BACE2: variants seen among roughly 807,000 people sequenced by gnomAD.
BACE2 encodes the protein beta-secretase 2.
Under a neutral mutation model 46.2 loss-of-function variants are expected in BACE2, and 17 were observed. That is an observed-to-expected ratio of 0.37 (90% CI 0.25 to 0.55). The LOEUF (loss-of-function observed/expected upper bound fraction) is 0.55. Ranked by LOEUF, BACE2 falls within the 20% of genes least tolerant of loss-of-function variation. The probability of loss-of-function intolerance (pLI) is 0.82; values close to 1 mark genes in which losing one functional copy is unlikely to be tolerated. For missense variants in BACE2, 595 were observed against 698.1 expected (o/e 0.85, Z 1.66); for synonymous variants, 277 against 295.9 (o/e 0.94, Z 0.66).
intron 1 of BACE2, among the ~76,000 whole-genome samples, chr21:41,220,683 A>G (rs1233742299): frequency 6.6e-6 from 1 of 151,276 alleles, no homozygotes; most frequent in Non-Finnish European, 1.5e-5. Context: ...GAAGAACCAG[A>G]TAATAAATTA....
At position 41,213,969 on chromosome 21, in the gene BACE2, A is replaced by T. The variant is rs560459293; in HGVS notation, c.313-12297A>T. On this transcript the variant is annotated intron_variant, in intron 1 of 8. Coordinates refer to ENST00000330333, the MANE Select transcript of BACE2 (RefSeq NM_012105.5). ...GGACTGTGTGTCCCTGGTCACCAGG[A>T]GGCAAACTCAGTTTACTCAGTTTTC... 8.5e-5 allele frequency among the ~76,000 whole-genome samples: 13 copies of T among 152,270 alleles called. No homozygotes were observed. In the South Asian group the frequency reaches 2.7e-3, roughly 32 times the overall value.
chr21:41,246,155 T>G, intron 6 of BACE2, 92 bp downstream of exon 6: 1 of 860,966 alleles, frequency 1.2e-6, no homozygotes, highest in Non-Finnish European at 1.7e-6. Flanking sequence ...ATCTCTGAAC[T>G]ATTGCGCCAT....
intron 6 of BACE2, among the ~76,000 whole-genome samples, chr21:41,249,877 TGAA>T (rs1987591239): frequency 6.6e-6 from 1 of 152,158 alleles, no homozygotes; most frequent in South Asian, 2.1e-4. Context: ...CAGCAACTAG[TGAA>T]TATGGGCAGA....
intron 8 of BACE2, among the ~76,000 whole-genome samples, chr21:41,271,339 T>C (rs777453724): frequency 9.2e-5 from 14 of 152,206 alleles, no homozygotes; most frequent in Non-Finnish European, 1.5e-4. Context: ...TGTTTCTGTA[T>C]GGCCTGTGAG....
intron 1 of BACE2, among the ~76,000 whole-genome samples, chr21:41,200,053 G>C (rs947639774): frequency 1.5e-5 from 2 of 135,464 alleles, no homozygotes; most frequent in South Asian, 5.7e-4. Flanking sequence ...GTGGGGGGAG[G>C]GGGGAGGAAT....
At chr21:41,259,902 GGCTCACTTTA>G (rs1241133862) in intron 8 of BACE2, among the ~76,000 whole-genome samples, 1 of 151,718 alleles carries the variant, frequency 6.6e-6, no homozygotes. Flanking sequence ...GCATGATCAG[GGCTCACTTTA>G]GCCCAACCTC....
Position 41,237,706 on chromosome 21 carries a change from C to T in BACE2, c.595C>T (p.Leu199=). 2 of 1,613,946 alleles carry T rather than the reference C, an allele frequency of 1.2e-6. No individual in the cohort carries two copies. Among genetic ancestry groups the T allele is most frequent in the Non-Finnish European group, 1.7e-6 (2 of 1,179,818 alleles). ...GATTAAATGGAATGGAATACTTGGC[C>T]TAGCTTATGCCACACTTGCCAAGGT... is the stretch of plus-strand genomic sequence containing the variant. ...PGIKWNGILG[L]AYATLAKPSS... The change falls in exon 3 of 9, where the codon CTA becomes TTA. Residue 199 remains leucine, a synonymous_variant. Transcript: ENST00000330333.
intron 1 of BACE2, among the ~76,000 whole-genome samples, chr21:41,194,738 C>A (rs914396583): frequency 5.9e-5 from 9 of 152,082 alleles, no homozygotes; most frequent in African/African-American, 2.2e-4. Context: ...CTATAATTTT[C>A]TGTTTACTTG....
intron 2 of BACE2, among the ~76,000 whole-genome samples, chr21:41,232,696 G>A (rs1043705386): frequency 3.3e-5 from 5 of 151,848 alleles, no homozygotes; most frequent in African/African-American, 7.3e-5. Context: ...GTCCCCCTTC[G>A]CCCTCCACCT....
At chr21:41,175,311 GA>G (rs1984780832) in intron 1 of BACE2, 2 of 152,230 alleles carry the variant, frequency 1.3e-5, no homozygotes, top group South Asian at 4.1e-4. Flanking sequence ...GCCATTGCAG[GA>G]AGACAAAGAG....
intron 1 of BACE2, among the ~76,000 whole-genome samples, chr21:41,199,706 C>T (rs1379347070): frequency 6.6e-6 from 1 of 152,156 alleles, no homozygotes; most frequent in Non-Finnish European, 1.5e-5. Flanking sequence ...CTTCGATTCC[C>T]TCCGCACTTC....
rs1197619690 is a variant in BACE2 at position 41,280,494 on chromosome 21, T to C, written c.*4870T>C. 1 of 152,446 alleles carries C rather than the reference T, an allele frequency of 6.6e-6. No individual in the cohort carries two copies. Among genetic ancestry groups the C allele is most frequent in the Non-Finnish European group, 1.5e-5 (1 of 68,208 alleles). The allele number at this position is 152,446 out of a possible 1,614,324, so 9.4% of individuals were successfully genotyped here. On this transcript the variant is annotated 3_prime_UTR_variant, in exon 9 of 9. Coordinates refer to ENST00000330333, the MANE Select transcript of BACE2 (RefSeq NM_012105.5). The stretch of plus-strand genomic sequence containing the variant: ...CCACGTCCCCGGAAGGTCCATCTTG[T>C]CCTGGAGCACACCCAGCCCCATTCA...
rs12106395 is a variant in BACE2, at chr21:41,183,543, A to G, written c.312+14968A>G. Reference sequence around the variant, plus strand: ...CCCCGATAGGTATGGAAAACAGGAAAAGGCAGGACAGGGAATCCCATAGCA... The same window carrying G: ...CCCCGATAGGTATGGAAAACAGGAAGAGGCAGGACAGGGAATCCCATAGCA... On this transcript the variant is annotated intron_variant, in intron 1 of 8. Transcript: ENST00000330333. The G allele has an allele frequency of 9.7e-3, 1,613 of 166,796 alleles. 23 individuals carry two copies. The highest frequency in any genetic ancestry group is 0.032 in the African/African-American group (1,349 of 41,560). 10.3% of individuals were successfully genotyped at this position (166,796 alleles called of 1,614,324 possible).
In BACE2 at chr21:41,168,651, C is replaced by A. The variant is rs1038516831; in HGVS notation, c.312+76C>A. On this transcript the variant is annotated intron_variant, in intron 1 of 8. Transcript: ENST00000330333. The stretch of plus-strand genomic sequence containing the variant: ...GGGGCTGTCCAGAGACGCCTCCACG[C>A]GGCTTAGCGTCGCCCCCAAAGCAGC... 8 of 1,127,150 alleles carry A rather than the reference C, an allele frequency of 7.1e-6. No individual in the cohort carries two copies. In the African/African-American group the frequency reaches 9.7e-5, roughly 14 times the overall value. The allele number at this position is 1,127,150 out of a possible 1,614,324, so 69.8% of individuals were successfully genotyped here.
At chr21:41,236,415 A>C (rs1327050014) in intron 2 of BACE2, among the ~76,000 whole-genome samples, 2 of 152,084 alleles carry the variant, frequency 1.3e-5, no homozygotes, top group Admixed American at 1.3e-4. Context: ...CGCATTCATT[A>C]TCTCTCCTCA....
chr21:41,197,269 TTTTTTG>T, intron 1 of BACE2, among the ~76,000 whole-genome samples: 1 of 149,580 alleles, frequency 6.7e-6, no homozygotes, highest in Non-Finnish European at 1.5e-5. Flanking sequence ...CAGCCAGGTT[TTTTTTG>T]TTTTTTTTTT....
At chr21:41,249,806 C>A (rs73222283) in intron 6 of BACE2, among the ~76,000 whole-genome samples, 421 of 152,276 alleles carry the variant, frequency 2.8e-3, no homozygotes, top group Admixed American at 5.9e-3. Flanking sequence ...GCCGGCAGAC[C>A]CAGGGTGGAC....
rs924779076 is a variant in BACE2 at position 41,281,824 on chromosome 21, A to T, written c.*6200A>T. On this transcript the variant is annotated 3_prime_UTR_variant, in exon 9 of 9. Coordinates refer to ENST00000330333, the MANE Select transcript of BACE2 (RefSeq NM_012105.5). ...GAGATTTTTTTCCCTCATTTTTCTC[A>T]TTGTAGATGTCATCTCTCACATTTA... 1 of 152,100 alleles carries T rather than the reference A, an allele frequency of 6.6e-6. No individual in the cohort carries two copies. The highest frequency in any genetic ancestry group is 6.5e-5 in the Admixed American group (1 of 15,268). The allele number at this position is 152,100 out of a possible 1,614,324, so 9.4% of individuals were successfully genotyped here.
Position 41,241,878 on chromosome 21 carries a change from C to G in BACE2, c.678C>G (p.Asn226Lys). 6.2e-7 allele frequency: 1 copy of G among 1,614,190 alleles called. No homozygotes were observed. The highest frequency in any genetic ancestry group is 8.5e-7 in the Non-Finnish European group (1 of 1,180,024). ...TGGTGACACAAGCAAACATCCCCAACGTTTTCTCCATGCAGATGTGTGGAG... is the reference window on the plus strand; with the variant it reads ...TGGTGACACAAGCAAACATCCCCAAGGTTTTCTCCATGCAGATGTGTGGAG... ...DSLVTQANIP[N>K]VFSMQMCGAG... Residue 226 changes from asparagine to lysine, a missense_variant, in exon 4 of 9, where the codon AAC (asparagine) becomes AAG (lysine). Transcript: ENST00000330333.
Sources: allele counts gnomAD v4.1 joint callset (sites outside exome capture counted in the v4.1 genomes callset), GRCh38; gene constraint gnomAD v4.1.1; transcripts MANE v1.5; gene names NCBI Gene and HGNC (gene_info 2026-07-23, HGNC 2026-07-21).